The following RAB19 variants were observed in gnomAD, a reference collection of about 807,000 sequenced individuals.
The protein encoded by RAB19 is RAB19, member RAS oncogene family, also known as ras-related protein Rab-19.
Under a neutral mutation model 17.3 loss-of-function variants are expected in RAB19, and 21 were observed. The observed-to-expected ratio is 1.21, with a 90% CI of 0.86 to 1.74. RAB19 has a LOEUF of 1.74. Ranked by LOEUF, RAB19 falls within the 40% of genes most tolerant of loss-of-function variation. RAB19 has a pLI of 0.00. For synonymous variants in RAB19, 126 were observed against 110.4 expected (o/e 1.14, Z -0.88); for missense variants, 277 against 286.8 (o/e 0.97, Z 0.25).
Position 140,411,864 on chromosome 7 carries a change from CCTT to C in RAB19, c.202-7_202-5del, listed in dbSNP as rs773505129. On this transcript the variant is annotated splice_region_variant and splice_polypyrimidine_tract_variant and intron_variant, in intron 2 of 3. Coordinates refer to ENST00000537763, the MANE Select transcript of RAB19 (RefSeq NM_001008749.3). ...CCCTGATTTGGACTCTCCTTCCTGTCCTTCTCCAGATGCAGGTGTGGGACACAG... is the reference window on the plus strand; with the variant it reads ...CCCTGATTTGGACTCTCCTTCCTGTCCTCCAGATGCAGGTGTGGGACACAG... The C allele has an allele frequency of 3.0e-5, 48 of 1,614,008 alleles. No individual in the cohort carries two copies. Among genetic ancestry groups the C allele is most frequent in the African/African-American group, 6.7e-5 (5 of 74,924 alleles).
chr7:140,411,041 C>T (rs1325219417), intron 2 of RAB19: 1 of 1,367,740 alleles, frequency 7.3e-7, no homozygotes, highest in South Asian at 1.1e-5. Context: ...AGATGAGCCC[C>T]CAAATCTGGA....
rs549497842 is a variant in RAB19, at chr7:140,413,750, A to G, written c.385+1693A>G. ...TAAAAGGCAACTGTTATGTCCTAGT[A>G]GAGCAAAGATGGGAGAGCTGTGCCA... On this transcript the variant is annotated intron_variant, in intron 3 of 3. Coordinates refer to ENST00000537763, the MANE Select transcript of RAB19 (RefSeq NM_001008749.3). 5.3e-5 allele frequency among the ~76,000 whole-genome samples: 8 copies of G among 152,248 alleles called. No individual in the cohort carries two copies. In the East Asian group the frequency reaches 1.4e-3, roughly 26 times the overall value.
At chr7:140,414,864 C>T (rs1235496186) in intron 3 of RAB19, among the ~76,000 whole-genome samples, 1 of 152,142 alleles carries the variant, frequency 6.6e-6, no homozygotes, top group Admixed American at 6.6e-5. Context: ...TGTTCCTCCT[C>T]TAGCTGGCTA....
rs375798140 is a variant in RAB19 at position 140,406,115 on chromosome 7, C to T, written c.-23-1509C>T. Among the ~76,000 whole-genome samples, 34 of 151,930 alleles carry T rather than the reference C, an allele frequency of 2.2e-4. No individual in the cohort carries two copies. In the East Asian group the frequency reaches 5.6e-3, roughly 25 times the overall value. On this transcript the variant is annotated intron_variant, in intron 1 of 3. Coordinates refer to ENST00000537763, the MANE Select transcript of RAB19 (RefSeq NM_001008749.3). ...AAAATTAGCCAGGCGTGGTGGCAGG[C>T]ACCTGTAATCCCAGCTACTTGGGAG...
chr7:140,404,464 A>G (rs1171830331), intron 1 of RAB19: 1 of 152,226 alleles, frequency 6.6e-6, no homozygotes, highest in African/African-American at 2.4e-5. Flanking sequence ...TCAGACAGGA[A>G]AAAAGTGGTT....
At chr7:140,417,403 TAA>T (rs35477728) in intron 3 of RAB19, among the ~76,000 whole-genome samples, 210 of 143,588 alleles carry the variant, frequency 1.5e-3, no homozygotes, top group African/African-American at 4.2e-3. Context: ...CCCTATCTCT[TAA>T]AAAAAAAAAA....
Position 140,427,211 on chromosome 7 carries a change from C to G in RAB19, c.*1061C>G, listed in dbSNP as rs1370631434. 1.4e-5 allele frequency among the ~76,000 whole-genome samples: 2 copies of G among 138,026 alleles called. No homozygotes were observed. Among genetic ancestry groups the G allele is most frequent in the African/African-American group, 2.7e-5 (1 of 36,962 alleles). 90.6% of individuals were successfully genotyped at this position (138,026 alleles called of 152,430 possible). A position where few individuals can be genotyped will look rare whatever the true frequency, so the allele number is the denominator to read the frequency against. On this transcript the variant is annotated 3_prime_UTR_variant, in exon 4 of 4. Coordinates refer to ENST00000537763, the MANE Select transcript of RAB19 (RefSeq NM_001008749.3). ...TCAGGCTGGAATGCAGTGGCATGAT[C>G]TCGGCTCACTGCAACCTCAACCTCC...
At chr7:140,422,644 C>T (rs1195076614) in intron 3 of RAB19, among the ~76,000 whole-genome samples, 1 of 151,888 alleles carries the variant, frequency 6.6e-6, no homozygotes, top group Non-Finnish European at 1.5e-5. Context: ...CAAAGTGAGA[C>T]CCCATCACCA....
chr7:140,426,302 C>T lies in RAB19; in HGVS notation c.*152C>T. 2.5e-6 allele frequency: 2 copies of T among 801,632 alleles called. No individual in the cohort carries two copies. The highest frequency in any genetic ancestry group is 3.8e-6 in the Non-Finnish European group (2 of 521,728). 49.7% of individuals were successfully genotyped at this position (801,632 alleles called of 1,614,324 possible). A position where few individuals can be genotyped will look rare whatever the true frequency, so the allele number is the denominator to read the frequency against. ...CTCCCAGTCTGGATGGGCCACACTT[C>T]TCCCTTGACTCACACCACAGGTCAT... On this transcript the variant is annotated 3_prime_UTR_variant, in exon 4 of 4. Transcript: ENST00000537763.
At chr7:140,418,159 T>C (rs903003177) in intron 3 of RAB19, among the ~76,000 whole-genome samples, 7 of 152,228 alleles carry the variant, frequency 4.6e-5, no homozygotes, top group Admixed American at 4.6e-4. Flanking sequence ...GAAAAGATTT[T>C]CAAAATATTT....
intron 3 of RAB19, among the ~76,000 whole-genome samples, chr7:140,418,693 T>TA (rs1191247395): frequency 2.0e-5 from 3 of 151,660 alleles, no homozygotes; most frequent in Non-Finnish European, 4.4e-5. Context: ...ACCCGATCTC[T>TA]ACAAAAAAAT....
Position 140,407,646 on chromosome 7 carries a change from C to A in RAB19, c.-1C>A. The A allele has an allele frequency of 6.2e-7, 1 of 1,614,004 alleles. No homozygotes were observed. On this transcript the variant is annotated 5_prime_UTR_variant, in exon 2 of 4. Transcript: ENST00000537763. ...TAGTTCTGTTCTAGGTGGCAAGAAC[C>A]ATGCACTTCTCCAGCTCAGCCAGGG...
Position 140,427,520 on chromosome 7 carries a change from C to T in RAB19, c.*1370C>T, listed in dbSNP as rs1248213794. On this transcript the variant is annotated 3_prime_UTR_variant, in exon 4 of 4. Transcript: ENST00000537763. ...AGGCTGGAGTGCAATGGTGTGACCT[C>T]GGCTCACTGCAACTTCTGCCTTCCA... is the stretch of plus-strand genomic sequence containing the variant. Among the ~76,000 whole-genome samples the T allele has an allele frequency of 2.0e-5, 3 of 146,862 alleles. No individual in the cohort carries two copies. The highest frequency in any genetic ancestry group is 4.5e-5 in the Non-Finnish European group (3 of 67,080).
chr7:140,424,603 CTCTCTCTCTCTCTCTCTA>C (rs1189651549), intron 3 of RAB19, among the ~76,000 whole-genome samples: 48 of 103,762 alleles, frequency 4.6e-4, no homozygotes, highest in Admixed American at 2.5e-3. Flanking sequence ...CTCTCTCTCT[CTCTCTCTCTCTCTCTCTA>C]TATATATATA....
chr7:140,421,988 T>C (rs1420326335), intron 3 of RAB19, among the ~76,000 whole-genome samples: 2 of 152,222 alleles, frequency 1.3e-5, no homozygotes, highest in African/African-American at 2.4e-5. Flanking sequence ...TTACTCTGCC[T>C]TTTACATTTA....
chr7:140,415,315 T>C (rs1259802740), intron 3 of RAB19, among the ~76,000 whole-genome samples: 1 of 152,090 alleles, frequency 6.6e-6, no homozygotes, highest in African/African-American at 2.4e-5. Flanking sequence ...CCTCAAGTGA[T>C]CCACACACCT....
In RAB19 at chr7:140,426,173, C is replaced by T. The variant is rs762198519; in HGVS notation, c.*23C>T. The T allele has an allele frequency of 1.2e-6, 2 of 1,602,016 alleles. No individual in the cohort carries two copies. Among genetic ancestry groups the T allele is most frequent in the East Asian group, 2.2e-5 (1 of 44,706 alleles). ...TAAGATGTTTGCAAAGCCAGTTGCA[C>T]CCACCAAAGAGGCCGCCTCTGAAAC... is the stretch of plus-strand genomic sequence containing the variant. On this transcript the variant is annotated 3_prime_UTR_variant, in exon 4 of 4. Coordinates refer to ENST00000537763, the MANE Select transcript of RAB19 (RefSeq NM_001008749.3).
Position 140,411,915 on chromosome 7 carries a change from C to T in RAB19, c.243C>T (p.Thr81=). Residue 81 remains threonine, a synonymous_variant, in exon 3 of 4, where the codon ACC becomes ACT. Coordinates refer to ENST00000537763, the MANE Select transcript of RAB19 (RefSeq NM_001008749.3). The stretch of plus-strand genomic sequence containing the variant: ...CAGCTGGCCAGGAGCGCTTCCGCAC[C>T]ATCACCCAAAGCTACTACCGCAGTG... The part of the protein sequence containing the change: ...WDTAGQERFR[T]ITQSYYRSAH... 1 of 1,614,194 alleles carries T rather than the reference C, an allele frequency of 6.2e-7. No individual in the cohort carries two copies. The highest frequency in any genetic ancestry group is 8.5e-7 in the Non-Finnish European group (1 of 1,180,042).
chr7:140,411,076 G>A (rs754755371), intron 2 of RAB19: 2 of 1,367,744 alleles, frequency 1.5e-6, no homozygotes, highest in South Asian at 2.3e-5. Context: ...AGGAGAAAAG[G>A]CAAAGAACAC....
Sources: gnomAD v4.1 joint callset for allele counts (sites outside exome capture counted in the v4.1 genomes callset) on GRCh38, gnomAD v4.1.1 for gene constraint, MANE v1.5 for transcripts, NCBI Gene and HGNC (gene_info 2026-07-23, HGNC 2026-07-21) for gene names.